GLB1L2: variants seen among roughly 807,000 people sequenced by gnomAD.
The protein encoded by GLB1L2 is galactosidase beta 1 like 2.
In GLB1L2, 68 loss-of-function variants were observed where a neutral mutation model predicts 84.1. That is an observed-to-expected ratio of 0.81 (90% CI 0.67 to 0.99). The LOEUF (loss-of-function observed/expected upper bound fraction) is 0.99. GLB1L2 is among the 50% of genes least tolerant of loss of function. GLB1L2 has a pLI of 0.00. For missense variants in GLB1L2, 762 were observed against 805.6 expected (o/e 0.95, Z 0.66); for synonymous variants, 290 against 318.0 (o/e 0.91, Z 0.94).
rs1177027241 is a variant in GLB1L2, at chr11:134,368,687, C to T, written c.933C>T (p.Ser311=). 3 of 1,613,980 alleles carry T rather than the reference C, an allele frequency of 1.9e-6. No individual in the cohort carries two copies. Among genetic ancestry groups the T allele is most frequent in the East Asian group, 4.5e-5 (2 of 44,884 alleles). Residue 311 remains serine, a synonymous_variant, in exon 10 of 19, where the codon TCC becomes TCT. Coordinates refer to ENST00000535456, the MANE Select transcript of GLB1L2 (RefSeq NM_001370461.1). ...TVSAIVDAGS[S]INLYMFHGGT... Reference sequence around the variant, plus strand: ...CTGCCATTGTGGACGCCGGCTCCTCCATCAACCTCTACATGTTCCACGGAG... The same window carrying T: ...CTGCCATTGTGGACGCCGGCTCCTCTATCAACCTCTACATGTTCCACGGAG...
At chr11:134,344,732 CTGGG>C (rs1309282956) in intron 3 of GLB1L2, among the ~76,000 whole-genome samples, 126 of 152,208 alleles carry the variant, frequency 8.3e-4, no homozygotes, top group Non-Finnish European at 1.2e-3. Context: ...GGTCCGGCCG[CTGGG>C]CTGGGGCAGG....
chr11:134,332,990 A>G (rs1017744470), intron 1 of GLB1L2, among the ~76,000 whole-genome samples: 1 of 152,176 alleles, frequency 6.6e-6, no homozygotes, highest in Non-Finnish European at 1.5e-5. Flanking sequence ...AACGGTTGGA[A>G]GTGGTGGCAG....
At chr11:134,361,574 C>G (rs938746555) in intron 7 of GLB1L2, 7 of 152,402 alleles carry the variant, frequency 4.6e-5, no homozygotes, top group Admixed American at 2.0e-4. Flanking sequence ...CTTTTCATTT[C>G]AATTCTCTTT....
At chr11:134,336,982 T>C (rs1172864919) in intron 1 of GLB1L2, among the ~76,000 whole-genome samples, 3 of 152,168 alleles carry the variant, frequency 2.0e-5, no homozygotes, top group African/African-American at 7.2e-5. Flanking sequence ...GAACACTTTT[T>C]GTTGTTGTTA....
rs201831404 is a variant in GLB1L2, at chr11:134,359,175, C to T, written c.733+34C>T. The T allele has an allele frequency of 1.6e-3, 2,365 of 1,508,592 alleles. 39 individuals are homozygous for T. In the South Asian group the frequency reaches 0.025, roughly 16 times the overall value. The allele number at this position is 1,508,592 out of a possible 1,614,324, so 93.5% of individuals were successfully genotyped here. Reference sequence around the variant, plus strand: ...ACTTGTGTTGGGCCGTGGGGGCTGGCGGCGGCCCTGGGCTGGCTGTGCACG... The same window carrying T: ...ACTTGTGTTGGGCCGTGGGGGCTGGTGGCGGCCCTGGGCTGGCTGTGCACG... On this transcript the variant is annotated intron_variant, in intron 7 of 18. Coordinates refer to ENST00000535456, the MANE Select transcript of GLB1L2 (RefSeq NM_001370461.1).
At position 134,362,916 on chromosome 11, in the gene GLB1L2, C is replaced by T. The variant is rs534348596; in HGVS notation, c.734-1412C>T. ...CCCTTCCGCACTCCTAGACCATTTA[C>T]TGTCCCTGTGTCCTTCTCAGTGTTC... On this transcript the variant is annotated intron_variant, in intron 7 of 18. Coordinates refer to ENST00000535456, the MANE Select transcript of GLB1L2 (RefSeq NM_001370461.1). 2.4e-4 allele frequency among the ~76,000 whole-genome samples: 37 copies of T among 152,346 alleles called. No homozygotes were observed. In the South Asian group the frequency reaches 7.4e-3, roughly 31 times the overall value.
Position 134,375,095 on chromosome 11 carries a change from C to T in GLB1L2, c.*37C>T, listed in dbSNP as rs1477397479. 5 of 1,546,882 alleles carry T rather than the reference C, an allele frequency of 3.2e-6. No individual in the cohort carries two copies. Among genetic ancestry groups the T allele is most frequent in the African/African-American group, 1.4e-5 (1 of 73,708 alleles). Reference sequence around the variant, plus strand: ...CCCTCCTGCTGGTGCCAGTGGGAGACTGCCGCCTCCTCTTGACCTGAAGCC... The same window carrying T: ...CCCTCCTGCTGGTGCCAGTGGGAGATTGCCGCCTCCTCTTGACCTGAAGCC... On this transcript the variant is annotated 3_prime_UTR_variant, in exon 19 of 19. Coordinates refer to ENST00000535456, the MANE Select transcript of GLB1L2 (RefSeq NM_001370461.1).
intron 7 of GLB1L2, among the ~76,000 whole-genome samples, chr11:134,361,960 G>C (rs896168010): frequency 2.0e-5 from 3 of 152,198 alleles, no homozygotes; most frequent in African/African-American, 7.2e-5. Flanking sequence ...CCCTTCTCGT[G>C]CTGCTGCGCA....
chr11:134,351,345 C>CTTTT (rs367790049), intron 5 of GLB1L2, among the ~76,000 whole-genome samples: 32 of 129,112 alleles, frequency 2.5e-4, no homozygotes, highest in East Asian at 1.7e-3. Flanking sequence ...CTTTTTCTTT[C>CTTTT]TTTTTTTTTT....
At chr11:134,335,904 C>T (rs1482534560) in intron 1 of GLB1L2, among the ~76,000 whole-genome samples, 2 of 152,182 alleles carry the variant, frequency 1.3e-5, no homozygotes, top group East Asian at 3.8e-4. Context: ...CCCTCCCTCC[C>T]TCTCCACCAT....
intron 6 of GLB1L2, among the ~76,000 whole-genome samples, chr11:134,357,182 C>A (rs1267130686): frequency 6.6e-6 from 1 of 152,230 alleles, no homozygotes; most frequent in Non-Finnish European, 1.5e-5. Context: ...GTGACTCCAC[C>A]TACCTGAAGG....
chr11:134,332,168 G>T (rs1297336988), intron 1 of GLB1L2, 21 bp downstream of exon 1: 6 of 1,487,670 alleles, frequency 4.0e-6, no homozygotes, highest in Non-Finnish European at 5.4e-6. Flanking sequence ...GCTTCGCGCA[G>T]CACCTGCCGG....
chr11:134,374,548 C>G, intron 17 of GLB1L2, 54 bp from the exon 18 acceptor site: 1 of 1,385,452 alleles, frequency 7.2e-7, no homozygotes. Context: ...ATGTCTCCCT[C>G]CACTTTTGCT....
At chr11:134,362,443 G>C (rs1416033454) in intron 7 of GLB1L2, among the ~76,000 whole-genome samples, 1 of 152,234 alleles carries the variant, frequency 6.6e-6, no homozygotes, top group Non-Finnish European at 1.5e-5. Flanking sequence ...TTAGGAAAGA[G>C]GCTCTCGGCT....
intron 5 of GLB1L2, among the ~76,000 whole-genome samples, chr11:134,348,174 G>A (rs1457736245): frequency 1.3e-5 from 2 of 152,106 alleles, no homozygotes; most frequent in Non-Finnish European, 2.9e-5. Flanking sequence ...TAAATCAAAG[G>A]GAACTGCCAG....
At chr11:134,347,963 TAC>T (rs1943574984) in intron 5 of GLB1L2, among the ~76,000 whole-genome samples, 1 of 152,222 alleles carries the variant, frequency 6.6e-6, no homozygotes, top group Non-Finnish European at 1.5e-5. Context: ...GGTACACACT[TAC>T]TATTCAAAAC....
In GLB1L2 at chr11:134,359,103, A is replaced by G. The variant is rs756382082; in HGVS notation, c.695A>G (p.Asp232Gly). The G allele has an allele frequency of 6.2e-7, 1 of 1,604,572 alleles. No homozygotes were observed. The highest frequency in any genetic ancestry group is 2.3e-5 in the East Asian group (1 of 44,104). ...ATTGTGGAACTGCTCCTGACTTCAG[A>G]CAACAAGGATGGGCTGAGCAAGGGG... is the stretch of plus-strand genomic sequence containing the variant. ...RGIVELLLTS[D>G]NKDGLSKGIV... Residue 232 changes from aspartate (D) to glycine (G), a missense_variant, in exon 7 of 19, where the codon GAC becomes GGC. Coordinates refer to ENST00000535456, the MANE Select transcript of GLB1L2 (RefSeq NM_001370461.1).
chr11:134,349,308 A>G (rs1363533630), intron 5 of GLB1L2, among the ~76,000 whole-genome samples: 1 of 152,224 alleles, frequency 6.6e-6, no homozygotes, highest in Non-Finnish European at 1.5e-5. Context: ...GTTCCATTGC[A>G]TGTATATAAC....
chr11:134,347,494 C>A, intron 5 of GLB1L2, 61 bp downstream of exon 5: 1 of 1,199,588 alleles, frequency 8.3e-7, no homozygotes, highest in Non-Finnish European at 1.2e-6. Context: ...GTGGATCATC[C>A]TTGGTTAGTT....
Sources: allele counts gnomAD v4.1 joint callset (sites outside exome capture counted in the v4.1 genomes callset), GRCh38; gene constraint gnomAD v4.1.1; transcripts MANE v1.5; gene names NCBI Gene and HGNC (gene_info 2026-07-23, HGNC 2026-07-21).